The following HOOK3 variants were observed in gnomAD, a reference collection of about 807,000 sequenced individuals.
HOOK3 encodes hook microtubule tethering protein 3.
Under a neutral mutation model 116.3 loss-of-function variants are expected in HOOK3, and 24 were observed. The ratio of observed to expected loss-of-function variants is 0.21; its 90% CI spans 0.15 to 0.29. The LOEUF (loss-of-function observed/expected upper bound fraction) is 0.29. Among genes scored for constraint, HOOK3 ranks in the 10% least tolerant of loss-of-function variants. The pLI, the probability that HOOK3 is intolerant of heterozygous loss-of-function variation, is 1.00. For synonymous variants in HOOK3, 275 were observed against 283.0 expected (o/e 0.97, Z 0.28); for missense variants, 632 against 830.2 (o/e 0.76, Z 2.93).
At position 43,019,997 on chromosome 8, in the gene HOOK3, C is replaced by G. The variant is rs1809793442; in HGVS notation, c.*1499C>G. 5.1e-6 allele frequency: 1 copy of G among 197,500 alleles called. No homozygotes were observed. The highest frequency in any genetic ancestry group is 2.3e-5 in the African/African-American group (1 of 43,412). 12.2% of individuals were successfully genotyped at this position (197,500 alleles called of 1,614,324 possible). On this transcript the variant is annotated 3_prime_UTR_variant, in exon 22 of 22. Coordinates refer to ENST00000307602, the MANE Select transcript of HOOK3 (RefSeq NM_032410.4). ...TATGTTAAATACGAATAAGTAACCT[C>G]AAATCAAGCTAAATGTAATTAAGAA...
intron 15 of HOOK3, among the ~76,000 whole-genome samples, chr8:42,997,297 A>G (rs1480439061): frequency 9.2e-5 from 14 of 152,250 alleles, no homozygotes; most frequent in Non-Finnish European, 1.9e-4. Context: ...ATTAATATGC[A>G]TAAGTACATT....
In HOOK3 at chr8:43,025,313, ATAGAAACC is replaced by A. The variant is rs1809914175; in HGVS notation, c.*6818_*6825del. ...GCATGCTGTGTGTGTTTGCATGAGT[ATAGAAACC>A]TAAGAACATAATGGAAGGCTATTAA... On this transcript the variant is annotated 3_prime_UTR_variant, in exon 22 of 22. Coordinates refer to ENST00000307602, the MANE Select transcript of HOOK3 (RefSeq NM_032410.4). 9.5e-6 allele frequency: 2 copies of A among 210,610 alleles called. No homozygotes were observed. The highest frequency in any genetic ancestry group is 4.5e-5 in the African/African-American group (2 of 44,156). The allele number at this position is 210,610 out of a possible 1,614,324, so 13.0% of individuals were successfully genotyped here.
intron 11 of HOOK3, among the ~76,000 whole-genome samples, chr8:42,973,013 A>G (rs1808752640): frequency 6.6e-6 from 1 of 152,212 alleles, no homozygotes; most frequent in Non-Finnish European, 1.5e-5. Flanking sequence ...TACAAAAAGA[A>G]TTTCAGACTA....
chr8:42,914,928 C>T (rs1366502506), intron 2 of HOOK3, among the ~76,000 whole-genome samples: 2 of 152,140 alleles, frequency 1.3e-5, no homozygotes, highest in South Asian at 4.1e-4. Flanking sequence ...ATCAGCCTGG[C>T]TAACATGGGA....
chr8:42,976,261 T>C (rs1378100591), intron 13 of HOOK3, among the ~76,000 whole-genome samples: 2 of 151,832 alleles, frequency 1.3e-5, no homozygotes, highest in African/African-American at 4.8e-5. Flanking sequence ...AATCTAACCC[T>C]TGGGGAGGCT....
At chr8:42,919,220 C>G (rs1303172419) in intron 2 of HOOK3, among the ~76,000 whole-genome samples, 3 of 151,616 alleles carry the variant, frequency 2.0e-5, no homozygotes, top group Admixed American at 2.0e-4. Flanking sequence ...CTCCTCACTT[C>G]ACAGACGGGG....
chr8:42,985,047 A>G (rs1299704831), intron 14 of HOOK3, among the ~76,000 whole-genome samples: 1 of 152,226 alleles, frequency 6.6e-6, no homozygotes, highest in Non-Finnish European at 1.5e-5. Flanking sequence ...CATGTTTTAG[A>G]CAGTGGGTTA....
At chr8:43,000,251 T>A (rs1348447135) in intron 16 of HOOK3, 1 of 1,283,636 alleles carries the variant, frequency 7.8e-7, no homozygotes, top group East Asian at 5.6e-5. Flanking sequence ...CTCTGTCTCT[T>A]GGCATGGTTT....
At chr8:42,944,681 C>T (rs749356537) in intron 5 of HOOK3, among the ~76,000 whole-genome samples, 2 of 150,650 alleles carry the variant, frequency 1.3e-5, no homozygotes, top group African/African-American at 4.9e-5. Flanking sequence ...TAGCCGGGCG[C>T]GGTGGTGGGC....
At chr8:42,997,933 G>A (rs867245585) in intron 16 of HOOK3, 6 of 276,028 alleles carry the variant, frequency 2.2e-5, no homozygotes, top group Admixed American at 5.2e-5. Context: ...ATGAAGTGTA[G>A]GGTTTTTCCC....
intron 17 of HOOK3, 70 bp downstream of exon 17, chr8:43,002,211 G>A (rs182160000): frequency 3.2e-5 from 37 of 1,170,306 alleles, no homozygotes; most frequent in East Asian, 2.6e-4. Flanking sequence ...AGGTAGTTAC[G>A]GTGTGTCTGG....
rs1005519843 is a variant in HOOK3, at chr8:42,964,439, G to A, written c.744G>A (p.Gln248=). Reference sequence around the variant, plus strand: ...CAGGAAGAAGGCATTTGCAGCTCCAGACTCAATTAGAACAGCTCCAAGAAG... The same window carrying A: ...CAGGAAGAAGGCATTTGCAGCTCCAAACTCAATTAGAACAGCTCCAAGAAG... ...SPAGRRHLQL[Q]TQLEQLQEET... The change falls in exon 9 of 22, where the codon CAG becomes CAA. Residue 248 remains glutamine, a synonymous_variant. Coordinates refer to ENST00000307602, the MANE Select transcript of HOOK3 (RefSeq NM_032410.4). 3 of 1,614,134 alleles carry A rather than the reference G, an allele frequency of 1.9e-6. No individual in the cohort carries two copies. Among genetic ancestry groups the A allele is most frequent in the Non-Finnish European group, 2.5e-6 (3 of 1,180,018 alleles).
intron 3 of HOOK3, among the ~76,000 whole-genome samples, chr8:42,927,609 T>G (rs752419358): frequency 3.3e-5 from 5 of 152,024 alleles, no homozygotes; most frequent in Non-Finnish European, 7.4e-5. Context: ...TTATTTATTT[T>G]TATTTACTTT....
At chr8:43,005,594 T>C (rs1057152986) in intron 17 of HOOK3, among the ~76,000 whole-genome samples, 2 of 152,066 alleles carry the variant, frequency 1.3e-5, no homozygotes, top group African/African-American at 2.4e-5. Flanking sequence ...TGATTCAAAT[T>C]CTGACTTTGG....
chr8:42,941,517 CAAAAAAAAAAAAAAA>C (rs960451235), intron 4 of HOOK3, among the ~76,000 whole-genome samples: 1 of 44,028 alleles, frequency 2.3e-5, no homozygotes, highest in Non-Finnish European at 4.6e-5. Flanking sequence ...GACTCCGTCT[CAAAAAAAAAAAAAAA>C]AAAAAAAAGA....
intron 10 of HOOK3, among the ~76,000 whole-genome samples, chr8:42,967,568 G>A (rs972877004): frequency 1.3e-5 from 2 of 151,916 alleles, no homozygotes; most frequent in East Asian, 3.9e-4. Context: ...ACATGCACAC[G>A]CGCATTTAGG....
At position 42,968,051 on chromosome 8, in the gene HOOK3, T is replaced by TCTTATAAAA; in HGVS notation, c.959_960insCTTATAAAA (p.Val320_Glu321insLeuTer). Reference sequence around the variant, plus strand: ...AAAGTATCTAAACTAGAAGGTCAAGTAGAATCTTATAAAAAGAAGCTAGAA... The same window carrying TCTTATAAAA: ...AAAGTATCTAAACTAGAAGGTCAAGTCTTATAAAAAGAATCTTATAAAAAGAAGCTAGAA... On this transcript the variant is annotated stop_gained and inframe_insertion, in exon 11 of 22. Transcript: ENST00000307602. LOFTEE classifies it high-confidence loss of function. 1 of 1,605,272 alleles carries TCTTATAAAA rather than the reference T, an allele frequency of 6.2e-7. No individual in the cohort carries two copies. The highest frequency in any genetic ancestry group is 8.5e-7 in the Non-Finnish European group (1 of 1,172,160).
At chr8:42,983,127 G>A (rs564679168) in intron 14 of HOOK3, among the ~76,000 whole-genome samples, 1 of 152,320 alleles carries the variant, frequency 6.6e-6, no homozygotes, top group South Asian at 2.1e-4. Context: ...AAGGTCAGGA[G>A]ATCGAGACCA....
intron 19 of HOOK3, among the ~76,000 whole-genome samples, chr8:43,011,407 T>A (rs1320146806): frequency 2.6e-5 from 4 of 152,172 alleles, no homozygotes; most frequent in Non-Finnish European, 5.9e-5. Context: ...CTGAATAACT[T>A]ATTTGGGAGA....
Sources: allele counts gnomAD v4.1 joint callset (sites outside exome capture counted in the v4.1 genomes callset), GRCh38; gene constraint gnomAD v4.1.1; transcripts MANE v1.5; gene names NCBI Gene and HGNC (gene_info 2026-07-23, HGNC 2026-07-21).